The following TMIGD3 variants were observed in gnomAD, a reference collection of about 807,000 sequenced individuals.
TMIGD3 encodes transmembrane and immunoglobulin domain containing 3.
A neutral mutation model predicts 28.1 loss-of-function variants in TMIGD3; 21 were observed. The ratio of observed to expected loss-of-function variants is 0.75; its 90% CI spans 0.53 to 1.08. The LOEUF (loss-of-function observed/expected upper bound fraction) is 1.08. Ranked by LOEUF, TMIGD3 falls within the 50% of genes least tolerant of loss-of-function variation. The probability of loss-of-function intolerance (pLI) is 0.00; values close to 1 mark genes in which losing one functional copy is unlikely to be tolerated. For missense variants in TMIGD3, 416 were observed against 435.6 expected, an observed-to-expected ratio of 0.96 and a Z score of 0.40; for synonymous variants, 151 against 162.1, an observed-to-expected ratio of 0.93 and a Z score of 0.52.
At chr1:111,556,646 G>T (rs910411866) in intron 1 of TMIGD3, among the ~76,000 whole-genome samples, 5 of 152,186 alleles carry the variant, frequency 3.3e-5, no homozygotes, top group Admixed American at 6.5e-5. Flanking sequence ...AAATAAGTCA[G>T]TCACAACAAG....
At chr1:111,519,072 T>A (rs1199786514) in intron 1 of TMIGD3, among the ~76,000 whole-genome samples, 1 of 152,074 alleles carries the variant, frequency 6.6e-6, no homozygotes, top group Non-Finnish European at 1.5e-5. Context: ...CCAAGTAGCT[T>A]GGATTACAGG....
At chr1:111,513,952 G>T (rs997380613) in intron 1 of TMIGD3, among the ~76,000 whole-genome samples, 1 of 152,190 alleles carries the variant, frequency 6.6e-6, no homozygotes, top group Non-Finnish European at 1.5e-5. Context: ...TGGTGGGAGG[G>T]GCTGTGGGAA....
intron 3 of TMIGD3, among the ~76,000 whole-genome samples, chr1:111,486,985 C>T (rs994558516): frequency 1.4e-4 from 22 of 152,176 alleles, no homozygotes; most frequent in Middle Eastern, 3.2e-3. Context: ...AGTTACAGTC[C>T]TAAACTGAGG....
intron 1 of TMIGD3, among the ~76,000 whole-genome samples, chr1:111,558,260 C>T (rs1019958798): frequency 6.6e-6 from 1 of 152,194 alleles, no homozygotes; most frequent in Non-Finnish European, 1.5e-5. Flanking sequence ...TCACTGCAAC[C>T]TCCATGTCCC....
chr1:111,563,569 G>A (rs1657831887), intron 1 of TMIGD3, among the ~76,000 whole-genome samples: 1 of 152,146 alleles, frequency 6.6e-6, no homozygotes, highest in Admixed American at 6.5e-5. Flanking sequence ...CGAAGGTGTA[G>A]GGTAGGTAGA....
chr1:111,503,439 C>T lies in TMIGD3; in HGVS notation c.-85G>A, dbSNP rs1017096647. The T allele has an allele frequency of 6.8e-5, 102 of 1,497,274 alleles. No individual in the cohort carries two copies. Among genetic ancestry groups the T allele is most frequent in the African/African-American group, 2.5e-4 (18 of 72,018 alleles). 92.7% of individuals were successfully genotyped at this position (1,497,274 alleles called of 1,614,324 possible). A position where few individuals can be genotyped will look rare whatever the true frequency, so the allele number is the denominator to read the frequency against. ...GCCAGTGGGCCTAGCTCTCGCCAGA[C>T]GTCTTCCCAGAGGTCCATGTGCAGT... is the stretch of plus-strand genomic sequence containing the variant. On this transcript the variant is annotated 5_prime_UTR_variant, in exon 1 of 6. Transcript: ENST00000369716.
chr1:111,549,533 C>T (rs1657173838), intron 1 of TMIGD3, among the ~76,000 whole-genome samples: 1 of 151,608 alleles, frequency 6.6e-6, no homozygotes, highest in African/African-American at 2.4e-5. Context: ...GCCTGTAGTC[C>T]CAGCTACTAG....
At position 111,542,298 on chromosome 1, in the gene TMIGD3, G is replaced by C. The variant is rs979215437; in HGVS notation, c.107+21548C>G. The stretch of plus-strand genomic sequence containing the variant: ...ATCAGACCTGCCGGTTCGAACACAC[G>C]CGACAAGAGCAAAGAAGTTAAAAGA... On this transcript the variant is annotated intron_variant, in intron 1 of 5. Transcript: ENST00000369717. 7 of 536,302 alleles carry C rather than the reference G, an allele frequency of 1.3e-5. No individual in the cohort carries two copies. In the East Asian group the frequency reaches 1.4e-4, roughly 11 times the overall value. The allele number at this position is 536,302 out of a possible 1,614,324, so 33.2% of individuals were successfully genotyped here. A position where few individuals can be genotyped will look rare whatever the true frequency, so the allele number is the denominator to read the frequency against.
chr1:111,514,994 C>T (rs1430383512), intron 1 of TMIGD3, among the ~76,000 whole-genome samples: 1 of 152,208 alleles, frequency 6.6e-6, no homozygotes, highest in African/African-American at 2.4e-5. Flanking sequence ...GGGCAGAGCC[C>T]GTCTTGACCT....
At chr1:111,541,414 G>A (rs1017305311) in intron 1 of TMIGD3, among the ~76,000 whole-genome samples, 1 of 152,138 alleles carries the variant, frequency 6.6e-6, no homozygotes, top group African/African-American at 2.4e-5. Flanking sequence ...AAAGAATTCT[G>A]ACTGATACAG....
At chr1:111,486,366 C>CT (rs1654369431) in intron 4 of TMIGD3, among the ~76,000 whole-genome samples, 1 of 150,938 alleles carries the variant, frequency 6.6e-6, no homozygotes, top group Admixed American at 6.6e-5. Flanking sequence ...AGCTAGAGGG[C>CT]TTTTTTGCTG....
chr1:111,511,894 T>C (rs1571425647), intron 1 of TMIGD3, among the ~76,000 whole-genome samples: 2 of 152,344 alleles, frequency 1.3e-5, no homozygotes, highest in African/African-American at 2.4e-5. Flanking sequence ...CACTGACCAC[T>C]GATCTTGCCC....
chr1:111,488,667 G>A lies in TMIGD3; in HGVS notation c.805+10C>T. The A allele has an allele frequency of 6.2e-7, 1 of 1,608,466 alleles. No individual in the cohort carries two copies. The highest frequency in any genetic ancestry group is 8.5e-7 in the Non-Finnish European group (1 of 1,175,684). ...GTTACATCCAGCCAGACCCCAGGCA[G>A]GCTCCTTACCTTTCCCAGACCAAAA... is the stretch of plus-strand genomic sequence containing the variant. On this transcript the variant is annotated intron_variant, in intron 3 of 5. Transcript: ENST00000369716.
chr1:111,529,403 G>A (rs1329075397), intron 1 of TMIGD3, among the ~76,000 whole-genome samples: 3 of 150,260 alleles, frequency 2.0e-5, no homozygotes, highest in Non-Finnish European at 3.0e-5. Flanking sequence ...TCATTCTTGG[G>A]TGTTTCTCGC....
At chr1:111,503,826 C>T (rs530822198), upstream of TMIGD3, 6 of 1,001,330 alleles carry the variant, frequency 6.0e-6, no homozygotes, top group Non-Finnish European at 7.2e-6. Flanking sequence ...AGAAGAGGAG[C>T]CATGAGTGGC....
chr1:111,528,655 G>T (rs2101011310), intron 1 of TMIGD3, among the ~76,000 whole-genome samples: 1 of 152,062 alleles, frequency 6.6e-6, no homozygotes, highest in East Asian at 1.9e-4. Context: ...CATGATAATG[G>T]AATATCTCTT....
At position 111,485,830 on chromosome 1, in the gene TMIGD3, G is replaced by T; in HGVS notation, c.883C>A (p.Leu295Ile). Residue 295 changes from leucine to isoleucine, a missense_variant, in exon 5 of 6, where the codon CTC (leucine) becomes ATC (isoleucine). Physicochemically the swap from Leu to Ile is conservative, Grantham distance 5. Coordinates refer to ENST00000369716, the MANE Select transcript of TMIGD3 (RefSeq NM_020683.7). ...RKADRSRTSI[L>I]IICILITGLG... ...CCCGTGATCAGTATGCAAATGATGAGAATGGACGTCCTAGAAGGAACCACA... is the reference window on the plus strand; with the variant it reads ...CCCGTGATCAGTATGCAAATGATGATAATGGACGTCCTAGAAGGAACCACA... 1.2e-6 allele frequency: 2 copies of T among 1,610,160 alleles called. No homozygotes were observed. The highest frequency in any genetic ancestry group is 8.5e-7 in the Non-Finnish European group (1 of 1,178,410).
intron 1 of TMIGD3, among the ~76,000 whole-genome samples, chr1:111,533,173 A>AT (rs1216516902): frequency 2.0e-5 from 3 of 152,246 alleles, no homozygotes; most frequent in Admixed American, 2.0e-4. Context: ...AAAATACTTC[A>AT]TTTTTGTACG....
intron 1 of TMIGD3, among the ~76,000 whole-genome samples, chr1:111,511,177 A>C (rs1387984928): frequency 6.6e-6 from 1 of 152,148 alleles, no homozygotes; most frequent in Non-Finnish European, 1.5e-5. Context: ...TGGAGCACTT[A>C]CTACACTATT....
Sources: gnomAD v4.1 joint callset for allele counts (sites outside exome capture counted in the v4.1 genomes callset) on GRCh38, gnomAD v4.1.1 for gene constraint, MANE v1.5 for transcripts, NCBI Gene and HGNC (gene_info 2026-07-23, HGNC 2026-07-21) for gene names.